The following CHGA variants were observed in gnomAD, a reference collection of about 807,000 sequenced individuals.
CHGA encodes chromogranin-A.
Under a neutral mutation model 54.4 loss-of-function variants are expected in CHGA, and 41 were observed. The ratio of observed to expected loss-of-function variants is 0.75; its 90% CI spans 0.59 to 0.98. The LOEUF is 0.98. Ranked by LOEUF, CHGA falls within the 50% of genes least tolerant of loss-of-function variation. CHGA has a pLI of 0.00. For synonymous variants in CHGA, 249 were observed against 232.8 expected (o/e 1.07, Z -0.63); for missense variants, 576 against 582.3 (o/e 0.99, Z 0.11).
rs546878181 is a variant in CHGA, at chr14:92,932,630, C to T, written c.1069C>T (p.Arg357Trp). The part of the protein sequence containing the change: ...QLAKELTAEK[R>W]LEGQEEEEDN... ...GGCCAAGGAGCTGACGGCTGAGAAG[C>T]GGCTGGAGGGGCAGGAGGAGGAGGA... Residue 357 changes from arginine (R) to tryptophan (W), a missense_variant, in exon 7 of 8, where the codon CGG (arginine) becomes TGG (tryptophan). Transcript: ENST00000216492. This position sits in a 1 kb window ranked among gnomAD's most constrained non-coding sequence, Gnocchi z 5.3. 108 of 1,592,758 alleles carry T rather than the reference C, an allele frequency of 6.8e-5. No homozygotes were observed. Among genetic ancestry groups the T allele is most frequent in the Non-Finnish European group, 8.4e-5 (98 of 1,171,324 alleles).
chr14:92,934,496 T>C (rs1179141480), intron 7 of CHGA, among the ~76,000 whole-genome samples: 2 of 152,146 alleles, frequency 1.3e-5, no homozygotes, highest in African/African-American at 2.4e-5. Context: ...AGCTTTGTTT[T>C]CCATGTGCCC....
chr14:92,932,636 G>A lies in CHGA; in HGVS notation c.1075G>A (p.Glu359Lys). 6.3e-7 allele frequency: 1 copy of A among 1,593,562 alleles called. No individual in the cohort carries two copies. The highest frequency in any genetic ancestry group is 8.5e-7 in the Non-Finnish European group (1 of 1,172,346). The part of the protein sequence containing the change: ...AKELTAEKRL[E>K]GQEEEEDNRD... ...GGAGCTGACGGCTGAGAAGCGGCTG[G>A]AGGGGCAGGAGGAGGAGGAGGACAA... The change falls in exon 7 of 8, where the codon GAG becomes AAG. Residue 359 changes from glutamate (E) to lysine (K), a missense_variant. Physicochemically the swap from Glu to Lys is moderately conservative, Grantham distance 56. Transcript: ENST00000216492. The surrounding 1 kb of genome is among the most constrained non-coding windows in gnomAD (Gnocchi z 5.3).
chr14:92,931,454 C>G lies in CHGA; in HGVS notation c.560C>G (p.Ala187Gly), dbSNP rs1886993877. 2 of 1,609,500 alleles carry G rather than the reference C, an allele frequency of 1.2e-6. No individual in the cohort carries two copies. Among genetic ancestry groups the G allele is most frequent in the Non-Finnish European group, 1.7e-6 (2 of 1,178,516 alleles). ...GAGGCCACCAACACCCACCCTCCAGCCAGCCTCCCCAGCCAGAAATACCCA... is the reference window on the plus strand; with the variant it reads ...GAGGCCACCAACACCCACCCTCCAGGCAGCCTCCCCAGCCAGAAATACCCA... ...EEEATNTHPPASLPSQKYPGP... is the reference protein window; with the variant it reads ...EEEATNTHPPGSLPSQKYPGP... Residue 187 changes from alanine (A) to glycine (G), a missense_variant, in exon 6 of 8, where the codon GCC becomes GGC. Transcript: ENST00000216492.
In CHGA at chr14:92,932,152, G is replaced by T; in HGVS notation, c.809-218G>T. Reference sequence around the variant, plus strand: ...TCACTCTCCAGCTGCCGGGCTTCTGGGGTGAGGATGAGGGGAAGAGGCAGG... The same window carrying T: ...TCACTCTCCAGCTGCCGGGCTTCTGTGGTGAGGATGAGGGGAAGAGGCAGG... On this transcript the variant is annotated intron_variant, in intron 6 of 7. Transcript: ENST00000216492. This position sits in a 1 kb window ranked among gnomAD's most constrained non-coding sequence, Gnocchi z 5.3. 1.8e-6 allele frequency: 1 copy of T among 566,944 alleles called. No homozygotes were observed. Among genetic ancestry groups the T allele is most frequent in the East Asian group, 3.4e-5 (1 of 29,646 alleles). The allele number at this position is 566,944 out of a possible 1,614,324, so 35.1% of individuals were successfully genotyped here.
At chr14:92,922,812 C>T (rs1595058736), upstream of CHGA, among the ~76,000 whole-genome samples, 4 of 152,294 alleles carry the variant, frequency 2.6e-5, no homozygotes, top group South Asian at 8.3e-4. Context: ...GGGGTGCTAG[C>T]GCTGCCAGGG....
chr14:92,932,313 C>T lies in CHGA; in HGVS notation c.809-57C>T. On this transcript the variant is annotated intron_variant, in intron 6 of 7. Coordinates refer to ENST00000216492, the MANE Select transcript of CHGA (RefSeq NM_001275.4). This position sits in a 1 kb window ranked among gnomAD's most constrained non-coding sequence, Gnocchi z 5.3. ...AGAGGCCCCCAGGGAGTGGCAGAGA[C>T]TGGGAAAATGGTGGTCCCCCACCCA... 1 of 1,505,050 alleles carries T rather than the reference C, an allele frequency of 6.6e-7. No individual in the cohort carries two copies. The highest frequency in any genetic ancestry group is 8.9e-7 in the Non-Finnish European group (1 of 1,123,806). The allele number at this position is 1,505,050 out of a possible 1,614,324, so 93.2% of individuals were successfully genotyped here.
chr14:92,928,449 A>G (rs1886930798), intron 4 of CHGA, among the ~76,000 whole-genome samples: 1 of 152,166 alleles, frequency 6.6e-6, no homozygotes, highest in Admixed American at 6.5e-5. Context: ...CTCATGAGCC[A>G]GCCTGGGCAG....
Position 92,931,278 on chromosome 14 carries a change from T to A in CHGA, c.384T>A (p.Asp128Glu). The A allele has an allele frequency of 6.2e-7, 1 of 1,612,970 alleles. No homozygotes were observed. The change falls in exon 6 of 8, where the codon GAT (aspartate) becomes GAA (glutamate). Residue 128 changes from aspartate to glutamate, a missense_variant. By Grantham distance (45) the Asp-to-Glu change is conservative. Transcript: ENST00000216492. ...KEAVEEPSSK[D>E]VMEKREDSKE... ...CGGTGGAAGAGCCATCATCCAAGGATGTTATGGAGAAAAGAGAGGATTCCA... is the reference window on the plus strand; with the variant it reads ...CGGTGGAAGAGCCATCATCCAAGGAAGTTATGGAGAAAAGAGAGGATTCCA...
chr14:92,929,362 C>T (rs935452946), intron 4 of CHGA, among the ~76,000 whole-genome samples: 3 of 143,592 alleles, frequency 2.1e-5, no homozygotes, highest in Admixed American at 2.0e-4. Flanking sequence ...GGTTCCCCAC[C>T]CCCAACTCCT....
chr14:92,926,404 C>A (rs1019732811), intron 2 of CHGA: 2 of 588,926 alleles, frequency 3.4e-6, no homozygotes, highest in African/African-American at 3.7e-5. Context: ...ACATGGTAAG[C>A]ACTGTGTTAA....
chr14:92,932,040 G>C lies in CHGA; in HGVS notation c.809-330G>C. On this transcript the variant is annotated intron_variant, in intron 6 of 7. Coordinates refer to ENST00000216492, the MANE Select transcript of CHGA (RefSeq NM_001275.4). This position sits in a 1 kb window ranked among gnomAD's most constrained non-coding sequence, Gnocchi z 5.3. ...TGGGAACAGAGACCATGGCAGGAGC[G>C]CACAGGCTGATCTGGGAACAGTGTC... 2.2e-6 allele frequency: 1 copy of C among 447,464 alleles called. No homozygotes were observed. 27.7% of individuals were successfully genotyped at this position (447,464 alleles called of 1,614,324 possible). A position where few individuals can be genotyped will look rare whatever the true frequency, so the allele number is the denominator to read the frequency against.
At chr14:92,926,468 C>G in intron 2 of CHGA, 137 bp from the exon 3 acceptor site, 1 of 678,700 alleles carries the variant, frequency 1.5e-6, no homozygotes. Context: ...AGAGCTGTGT[C>G]CCTGAGCCAG....
chr14:92,923,380 G>A lies in CHGA; in HGVS notation c.21G>A (p.Leu7=), dbSNP rs999996651. The A allele has an allele frequency of 1.5e-6, 2 of 1,296,764 alleles. No homozygotes were observed. The highest frequency in any genetic ancestry group is 1.5e-5 in the African/African-American group (1 of 64,882). The allele number at this position is 1,296,764 out of a possible 1,614,324, so 80.3% of individuals were successfully genotyped here. ...CCGCCATGCGCTCCGCCGCTGTCCT[G>A]GCTCTTCTGCTCTGCGCCGGGCAAG... MRSAAV[L]ALLLCAGQVT... Residue 7 remains leucine, a synonymous_variant, in exon 1 of 8, where the codon CTG becomes CTA. Transcript: ENST00000216492.
At chr14:92,922,928 C>A (rs919279848), upstream of CHGA, among the ~76,000 whole-genome samples, 1 of 152,212 alleles carries the variant, frequency 6.6e-6, no homozygotes, top group Admixed American at 6.5e-5. Flanking sequence ...TCAGCCACAG[C>A]CCCCCGCCTC....
intron 1 of CHGA, 92 bp from the exon 2 acceptor site, chr14:92,924,107 T>C (rs1051540965): frequency 2.1e-6 from 3 of 1,397,204 alleles, no homozygotes; most frequent in Admixed American, 4.2e-5. Context: ...AGGGGTGGCA[T>C]TGGGTGAACG....
At chr14:92,924,922 ATC>A (rs1442310082) in intron 2 of CHGA, among the ~76,000 whole-genome samples, 3 of 152,178 alleles carry the variant, frequency 2.0e-5, no homozygotes, top group African/African-American at 7.2e-5. Context: ...GCTCATCCAA[ATC>A]TCTGACTTGA....
At chr14:92,933,729 C>G (rs1887060289) in intron 7 of CHGA, among the ~76,000 whole-genome samples, 1 of 152,192 alleles carries the variant, frequency 6.6e-6, no homozygotes. Flanking sequence ...GAAGAAGGCT[C>G]CATGTTGGCA....
At chr14:92,934,310 C>T (rs762179071) in intron 7 of CHGA, among the ~76,000 whole-genome samples, 1 of 152,214 alleles carries the variant, frequency 6.6e-6, no homozygotes, top group African/African-American at 2.4e-5. Flanking sequence ...CAAAGCCCAG[C>T]CCTAGGCAGG....
intron 6 of CHGA, chr14:92,931,990 G>C (rs1224474612): frequency 4.2e-6 from 2 of 477,242 alleles, no homozygotes; most frequent in Non-Finnish European, 7.3e-6. Context: ...CAGAAGCTAG[G>C]GGTGGGTGAT....
Sources: allele counts gnomAD v4.1 joint callset (sites outside exome capture counted in the v4.1 genomes callset), GRCh38; gene constraint gnomAD v4.1.1; non-coding constraint Gnocchi (gnomAD v3.1); transcripts MANE v1.5; gene names NCBI Gene and HGNC (gene_info 2026-07-23, HGNC 2026-07-21).